The following TMEM9B variants were observed in gnomAD, a reference collection of about 807,000 sequenced individuals.
TMEM9B encodes the protein TMEM9 domain family member B.
A neutral mutation model predicts 23.5 loss-of-function variants in TMEM9B; 8 were observed. The ratio of observed to expected loss-of-function variants is 0.34; its 90% CI spans 0.20 to 0.61. The LOEUF is 0.61. Among genes scored for constraint, TMEM9B ranks in the 20% least tolerant of loss-of-function variants. The probability of loss-of-function intolerance (pLI) is 0.78; values close to 1 mark genes in which losing one functional copy is unlikely to be tolerated. For missense variants in TMEM9B, 197 were observed against 252.3 expected, an observed-to-expected ratio of 0.78 and a Z score of 1.49; for synonymous variants, 106 against 96.3, an observed-to-expected ratio of 1.10 and a Z score of -0.59.
At chr11:8,958,227 C>A (rs943797909) in intron 2 of TMEM9B, among the ~76,000 whole-genome samples, 1 of 148,178 alleles carries the variant, frequency 6.7e-6, no homozygotes, top group African/African-American at 2.5e-5. Context: ...CTTTGGGAGG[C>A]CGAGGCGGTT....
intron 2 of TMEM9B, among the ~76,000 whole-genome samples, chr11:8,958,089 G>A (rs1455608155): frequency 6.7e-6 from 1 of 149,830 alleles, no homozygotes; most frequent in Non-Finnish European, 1.5e-5. Context: ...AACCTGGGAG[G>A]TGGAGGTTAC....
At chr11:8,959,991 T>TAAAGTCAG (rs1854046012) in intron 2 of TMEM9B, among the ~76,000 whole-genome samples, 2 of 152,038 alleles carry the variant, frequency 1.3e-5, no homozygotes, top group South Asian at 4.1e-4. Flanking sequence ...GCCTGCCCCG[T>TAAAGTCAG]AAAGTCAGTT....
chr11:8,961,140 A>T (rs1854072477), intron 2 of TMEM9B, among the ~76,000 whole-genome samples: 1 of 152,248 alleles, frequency 6.6e-6, no homozygotes, highest in South Asian at 2.1e-4. Context: ...CTGAACCTAA[A>T]TGCGTATCAG....
At position 8,957,984 on chromosome 11, in the gene TMEM9B, C is replaced by T. The variant is rs1315879259; in HGVS notation, c.198-1686G>A. Reference sequence around the variant, plus strand: ...CCAGCCTGACCAACATGGAGAAACCCCGTCTCTACTAAAAATACAAAAAAA... The same window carrying T: ...CCAGCCTGACCAACATGGAGAAACCTCGTCTCTACTAAAAATACAAAAAAA... On this transcript the variant is annotated intron_variant, in intron 2 of 4. Coordinates refer to ENST00000534025, the MANE Select transcript of TMEM9B (RefSeq NM_020644.3). The surrounding 1 kb of genome is among the most constrained non-coding windows in gnomAD (Gnocchi z 4.3). Among the ~76,000 whole-genome samples, 2 of 150,538 alleles carry T rather than the reference C, an allele frequency of 1.3e-5. No homozygotes were observed. The highest frequency in any genetic ancestry group is 6.6e-5 in the Admixed American group (1 of 15,090).
At chr11:8,948,750 G>A (rs996791770) in intron 4 of TMEM9B, among the ~76,000 whole-genome samples, 24 of 152,152 alleles carry the variant, frequency 1.6e-4, no homozygotes, top group Admixed American at 1.5e-3. Context: ...TAAAGAAGTG[G>A]AGACCAAGCA....
At position 8,964,197 on chromosome 11, in the gene TMEM9B, G is replaced by T; in HGVS notation, c.105+12C>A. ...GGAGCTTCCGTCAGGAGCGAGGCTGGGCGGGACTCACCTTGGCGGCGTCTG... is the reference window on the plus strand; with the variant it reads ...GGAGCTTCCGTCAGGAGCGAGGCTGTGCGGGACTCACCTTGGCGGCGTCTG... On this transcript the variant is annotated intron_variant, in intron 1 of 4. Transcript: ENST00000534025. 1 of 1,564,740 alleles carries T rather than the reference G, an allele frequency of 6.4e-7. No individual in the cohort carries two copies. The highest frequency in any genetic ancestry group is 8.7e-7 in the Non-Finnish European group (1 of 1,155,174).
At chr11:8,960,557 G>C (rs1854058016) in intron 2 of TMEM9B, among the ~76,000 whole-genome samples, 1 of 152,158 alleles carries the variant, frequency 6.6e-6, no homozygotes, top group South Asian at 2.1e-4. Flanking sequence ...CTAACCACTT[G>C]AATAGTGAGT....
intron 1 of TMEM9B, 82 bp downstream of exon 1, chr11:8,964,127 G>T: frequency 7.3e-7 from 1 of 1,373,602 alleles, no homozygotes. Flanking sequence ...ATGGGCCAAG[G>T]AGCAGGTTGG....
intron 3 of TMEM9B, among the ~76,000 whole-genome samples, chr11:8,953,658 A>T (rs1019715090): frequency 6.6e-6 from 1 of 152,210 alleles, no homozygotes; most frequent in South Asian, 2.1e-4. Flanking sequence ...TCTTTAGCTC[A>T]ATTTAGATAT....
chr11:8,964,167 G>T, intron 1 of TMEM9B, 42 bp downstream of exon 1: 1 of 1,541,788 alleles, frequency 6.5e-7, no homozygotes, highest in Non-Finnish European at 8.8e-7. Context: ...GCCGGTGGTA[G>T]GGGAGGAGCT....
chr11:8,964,251 CG>C lies in TMEM9B; in HGVS notation c.62del (p.Ala21GlyfsTer62). 6.3e-7 allele frequency: 1 copy of C among 1,596,398 alleles called. No homozygotes were observed. Among genetic ancestry groups the C allele is most frequent in the Non-Finnish European group, 8.5e-7 (1 of 1,172,384 alleles). On this transcript the variant is annotated frameshift_variant, in exon 1 of 5. Coordinates refer to ENST00000534025, the MANE Select transcript of TMEM9B (RefSeq NM_020644.3). LOFTEE classifies it high-confidence loss of function. ...GCTGCGCCAGCAGCAGCACGGAAAG[CG>C]CCAGGCACGACAGGCTGAGCAAGGA... is the stretch of plus-strand genomic sequence containing the variant. ...LGSLLSLSCL[A>X]LSVLLLAQLS... is the part of the protein sequence containing the mutation.
chr11:8,954,764 G>A (rs183512847), intron 3 of TMEM9B, among the ~76,000 whole-genome samples: 1,752 of 152,264 alleles, frequency 0.012, 42 homozygotes, highest in African/African-American at 0.041. Context: ...CTTCCACAGG[G>A]TCAATCACAG....
At chr11:8,954,803 C>A (rs1457652515) in intron 3 of TMEM9B, among the ~76,000 whole-genome samples, 1 of 152,084 alleles carries the variant, frequency 6.6e-6, no homozygotes, top group Non-Finnish European at 1.5e-5. Flanking sequence ...TTATAACTAA[C>A]CACCCCACAT....
chr11:8,961,857 C>A (rs1283343541), intron 2 of TMEM9B, among the ~76,000 whole-genome samples: 1 of 152,194 alleles, frequency 6.6e-6, no homozygotes, highest in Non-Finnish European at 1.5e-5. Context: ...CAGTCATATG[C>A]TCCCATGAAA....
At position 8,948,462 on chromosome 11, in the gene TMEM9B, A is replaced by G. The variant is rs746129973; in HGVS notation, c.455T>C (p.Phe152Ser). 3 of 1,614,042 alleles carry G rather than the reference A, an allele frequency of 1.9e-6. No homozygotes were observed. The highest frequency in any genetic ancestry group is 1.7e-5 in the Admixed American group (1 of 59,998). ...SDDDIGDHQP[F>S]ANAHDVLARS... ...GGCTAGCACATCGTGTGCATTTGCA[A>G]AAGGCTGGTGATCCTAAAAGTCCAG... is the stretch of plus-strand genomic sequence containing the variant. The change falls in exon 5 of 5, where the codon TTT becomes TCT. Residue 152 changes from phenylalanine (F) to serine (S), a missense_variant. Around this residue, in one of 2 missense-constraint regions of TMEM9B, gnomAD observed 141 missense variants for 214.1 expected, o/e 0.66. Transcript: ENST00000534025.
chr11:8,962,452 A>G (rs763258915), intron 1 of TMEM9B, among the ~76,000 whole-genome samples: 4 of 152,248 alleles, frequency 2.6e-5, no homozygotes, highest in African/African-American at 4.8e-5. Context: ...GTCACATGAC[A>G]ATCAAATTAT....
At chr11:8,954,950 A>G (rs1853946411) in intron 3 of TMEM9B, among the ~76,000 whole-genome samples, 1 of 152,134 alleles carries the variant, frequency 6.6e-6, no homozygotes, top group African/African-American at 2.4e-5. Flanking sequence ...CAGGAGTTCG[A>G]GACCAGCCTG....
chr11:8,948,512 C>G, intron 4 of TMEM9B, 37 bp from the exon 5 acceptor site: 1 of 1,603,638 alleles, frequency 6.2e-7, no homozygotes, highest in Non-Finnish European at 8.5e-7. Flanking sequence ...AGAGATGGCA[C>G]AGTCAGTGTA....
chr11:8,952,810 C>T, intron 4 of TMEM9B: 1 of 382,372 alleles, frequency 2.6e-6, no homozygotes, highest in Middle Eastern at 7.3e-4. Context: ...GATCTTCACA[C>T]TTCCCTTGAT....
Sources: allele counts gnomAD v4.1 joint callset (sites outside exome capture counted in the v4.1 genomes callset), GRCh38; gene constraint gnomAD v4.1.1; regional missense constraint gnomAD v4.1.1; non-coding constraint Gnocchi (gnomAD v3.1); transcripts MANE v1.5; gene names NCBI Gene and HGNC (gene_info 2026-07-23, HGNC 2026-07-21).